GRAMD4: variants seen among roughly 807,000 people sequenced by gnomAD.
GRAMD4 encodes the protein GRAM domain-containing protein 4.
A neutral mutation model predicts 83.9 loss-of-function variants in GRAMD4; 25 were observed. The ratio of observed to expected loss-of-function variants is 0.30; its 90% CI spans 0.22 to 0.42. The LOEUF (loss-of-function observed/expected upper bound fraction) is 0.42, where lower values mean the gene tolerates loss of function less well. Among genes scored for constraint, GRAMD4 ranks in the 10% least tolerant of loss-of-function variants. The probability of loss-of-function intolerance (pLI) is 1.00; values close to 1 mark genes in which losing one functional copy is unlikely to be tolerated. For synonymous variants in GRAMD4, 336 were observed against 320.9 expected (o/e 1.05, Z -0.50); for missense variants, 593 against 788.7 (o/e 0.75, Z 2.97).
At chr22:46,663,675 C>T (rs1047339610) in intron 6 of GRAMD4, among the ~76,000 whole-genome samples, 163 bp from the exon 7 acceptor site, 2 of 152,220 alleles carry the variant, frequency 1.3e-5, no homozygotes, top group African/African-American at 2.4e-5. Context: ...GCGCACCCTG[C>T]TGTGCTGAGC....
At chr22:46,646,219 C>T (rs925242811) in intron 3 of GRAMD4, among the ~76,000 whole-genome samples, 11 of 152,222 alleles carry the variant, frequency 7.2e-5, no homozygotes, top group South Asian at 2.1e-4. Context: ...GGTGGATTCC[C>T]GGCAGATGCA....
upstream of GRAMD4, among the ~76,000 whole-genome samples, chr22:46,618,852 G>T (rs2081537287): frequency 6.6e-6 from 1 of 152,238 alleles, no homozygotes; most frequent in Admixed American, 6.5e-5. The surrounding 1 kb of genome is among the most constrained non-coding windows in gnomAD (Gnocchi z 5.8). Flanking sequence ...GCTCTTGAGG[G>T]TTTCACCCAG....
intron 13 of GRAMD4, chr22:46,671,023 T>C (rs16995541): frequency 0.12 from 52,325 of 432,162 alleles, 3,719 homozygotes; most frequent in Middle Eastern, 0.21. Context: ...ATTCCTGGCT[T>C]ATCGGTGCCC....
At position 46,620,938 on chromosome 22, in the gene GRAMD4, A is replaced by G. The variant is rs561452477; in HGVS notation, c.-50+373A>G. The stretch of plus-strand genomic sequence containing the variant: ...GGCCCATCCGAGAGGGAGGAGGCCG[A>G]TCTGAGAGGGCCGCATGGCTCGGAG... On this transcript the variant is annotated intron_variant, in intron 1 of 18. Coordinates refer to ENST00000406902, the MANE Select transcript of GRAMD4 (RefSeq NM_015124.5). The surrounding 1 kb of genome is among the most constrained non-coding windows in gnomAD (Gnocchi z 4.7). Among the ~76,000 whole-genome samples, 4 of 152,134 alleles carry G rather than the reference A, an allele frequency of 2.6e-5. No individual in the cohort carries two copies. In the South Asian group the frequency reaches 6.3e-4, roughly 24 times the overall value.
At chr22:46,615,461 G>A (rs2081468727), upstream of GRAMD4, among the ~76,000 whole-genome samples, 1 of 146,480 alleles carries the variant, frequency 6.8e-6, no homozygotes, top group Non-Finnish European at 1.5e-5. Context: ...GTTTCCCCGT[G>A]TGTAGGTTCC....
rs367756638 is a variant in GRAMD4, at chr22:46,626,940, C to T, written c.141C>T (p.Asp47=). The change falls in exon 2 of 19, where the codon GAC becomes GAT. Residue 47 remains aspartate (D), a synonymous_variant. Coordinates refer to ENST00000406902, the MANE Select transcript of GRAMD4 (RefSeq NM_015124.5). ...PLKVPRTSPR[D]SEELRDPAGP... ...AGGTACCGCGGACCTCGCCCCGGGA[C>T]AGCGAGGAGCTGAGGGACCCTGTGA... 2 of 1,613,578 alleles carry T rather than the reference C, an allele frequency of 1.2e-6. No individual in the cohort carries two copies. The highest frequency in any genetic ancestry group is 1.1e-5 in the South Asian group (1 of 91,072).
At chr22:46,596,462 A>G (rs917440376) in intron 1 of GRAMD4, among the ~76,000 whole-genome samples, 20 of 152,206 alleles carry the variant, frequency 1.3e-4, no homozygotes, top group African/African-American at 4.8e-4. Context: ...GTGCTTGGCA[A>G]GGGGCTCGAA....
intron 2 of GRAMD4, among the ~76,000 whole-genome samples, chr22:46,630,110 C>T (rs1192692231): frequency 6.6e-6 from 1 of 151,124 alleles, no homozygotes; most frequent in Admixed American, 6.6e-5. Context: ...CTGCAACCTC[C>T]ACCTCCCAGG....
intron 1 of GRAMD4, among the ~76,000 whole-genome samples, chr22:46,613,742 C>T (rs558673128): frequency 1.1e-4 from 17 of 152,328 alleles, no homozygotes; most frequent in East Asian, 3.9e-4. Context: ...CACCCCACCC[C>T]GAGGCTTCAG....
chr22:46,676,653 G>A lies in GRAMD4; in HGVS notation c.1617G>A (p.Thr539=), dbSNP rs1349492996. The A allele has an allele frequency of 7.1e-6, 11 of 1,548,686 alleles. No individual in the cohort carries two copies. Among genetic ancestry groups the A allele is most frequent in the Admixed American group, 2.0e-5 (1 of 51,016 alleles). ...CAGGCATGGGGATTGCCGTGTCGAC[G>A]CCATCCACCCAGAAAGTAGGTGCCG... The part of the protein sequence containing the change: ...PGSGMGIAVS[T]PSTQKPLVFG... The change falls in exon 18 of 19, where the codon ACG becomes ACA. Residue 539 remains threonine, a synonymous_variant. Coordinates refer to ENST00000406902, the MANE Select transcript of GRAMD4 (RefSeq NM_015124.5).
chr22:46,618,719 C>T (rs1282439113), upstream of GRAMD4, among the ~76,000 whole-genome samples: 6 of 151,888 alleles, frequency 4.0e-5, no homozygotes, highest in African/African-American at 9.7e-5. The surrounding 1 kb of genome is among the most constrained non-coding windows in gnomAD (Gnocchi z 5.8). Context: ...AGGGGAGGCA[C>T]GCGGCTGCCT....
exon 1 of GRAMD4, chr22:46,577,240 A>AG (rs2081050690): frequency 2.1e-6 from 2 of 970,774 alleles, no homozygotes; most frequent in Non-Finnish European, 2.4e-6. Context: ...GCGGCCGGCG[A>AG]GGGGGGCGCC....
At position 46,659,264 on chromosome 22, in the gene GRAMD4, C is replaced by G. The variant is rs1380750015; in HGVS notation, c.404+957C>G. ...TCAGCCTCCCCCCTCAGTCTCCACC[C>G]TCAGTTTCTGCCCAGCCTCCCCCCA... On this transcript the variant is annotated intron_variant, in intron 4 of 18. Coordinates refer to ENST00000406902, the MANE Select transcript of GRAMD4 (RefSeq NM_015124.5). The surrounding 1 kb of genome is among the most constrained non-coding windows in gnomAD (Gnocchi z 4.1). Among the ~76,000 whole-genome samples, 2 of 151,958 alleles carry G rather than the reference C, an allele frequency of 1.3e-5. No individual in the cohort carries two copies. Among genetic ancestry groups the G allele is most frequent in the African/African-American group, 4.8e-5 (2 of 41,374 alleles).
At chr22:46,652,754 G>A (rs1031914580) in intron 3 of GRAMD4, among the ~76,000 whole-genome samples, 4 of 152,240 alleles carry the variant, frequency 2.6e-5, no homozygotes, top group African/African-American at 4.8e-5. Flanking sequence ...GGGGCTGGAC[G>A]AGAGGAATCT....
At chr22:46,628,111 G>A (rs914928925) in intron 2 of GRAMD4, among the ~76,000 whole-genome samples, 2 of 152,236 alleles carry the variant, frequency 1.3e-5, no homozygotes, top group African/African-American at 2.4e-5. Flanking sequence ...TGTGTGCTGA[G>A]CATGTGGTGG....
At chr22:46,605,894 G>A (rs549397289) in intron 1 of GRAMD4, among the ~76,000 whole-genome samples, 2 of 151,436 alleles carry the variant, frequency 1.3e-5, no homozygotes, top group African/African-American at 2.4e-5. Flanking sequence ...GCTTATGGCC[G>A]GTGCTGAGCA....
intron 1 of GRAMD4, among the ~76,000 whole-genome samples, chr22:46,599,863 A>G (rs1371665751): frequency 1.3e-5 from 2 of 151,862 alleles, no homozygotes; most frequent in African/African-American, 2.4e-5. Flanking sequence ...CTTTTGCAGA[A>G]AAGTGACCAT....
chr22:46,618,343 G>C (rs1332300336), upstream of GRAMD4, among the ~76,000 whole-genome samples: 1 of 152,130 alleles, frequency 6.6e-6, no homozygotes, highest in East Asian at 1.9e-4. This position sits in a 1 kb window ranked among gnomAD's most constrained non-coding sequence, Gnocchi z 5.8. Flanking sequence ...AAGCCATCAG[G>C]GCAATCCAAG....
At chr22:46,594,762 G>A (rs2081244454) in intron 1 of GRAMD4, among the ~76,000 whole-genome samples, 1 of 151,876 alleles carries the variant, frequency 6.6e-6, no homozygotes, top group Admixed American at 6.6e-5. Context: ...TCTCCTAGGA[G>A]GGAGGAGAGG....
Sources: allele counts gnomAD v4.1 joint callset (sites outside exome capture counted in the v4.1 genomes callset), GRCh38; gene constraint gnomAD v4.1.1; non-coding constraint Gnocchi (gnomAD v3.1); transcripts MANE v1.5; gene names NCBI Gene and HGNC (gene_info 2026-07-23, HGNC 2026-07-21).